The following MYO5C variants were observed in gnomAD, a reference collection of about 807,000 sequenced individuals.
The protein encoded by MYO5C is unconventional myosin-Vc.
Under a neutral mutation model 235.7 loss-of-function variants are expected in MYO5C, and 194 were observed. The observed-to-expected ratio is 0.82, with a 90% CI of 0.73 to 0.93. The LOEUF is 0.93. MYO5C is among the 40% of genes least tolerant of loss of function. The pLI, the probability that MYO5C is intolerant of heterozygous loss-of-function variation, is 0.00. For synonymous variants in MYO5C, 707 were observed against 754.8 expected (o/e 0.94, Z 1.04); for missense variants, 2,038 against 2,127.2 (o/e 0.96, Z 0.82).
At chr15:52,241,371 T>A (rs1188524151) in intron 20 of MYO5C, among the ~76,000 whole-genome samples, 2 of 147,468 alleles carry the variant, frequency 1.4e-5, no homozygotes, top group African/African-American at 5.0e-5. Flanking sequence ...GCCATTCTCC[T>A]GCCTCAGCCT....
rs911816941 is a variant in MYO5C, at chr15:52,211,846, C to T, written c.4180G>A (p.Gly1394Arg). Residue 1394 changes from glycine to arginine, a missense_variant, in exon 35 of 41, where the codon GGG (glycine) becomes AGG (arginine). Transcript: ENST00000261839. ...PRGVVVNMIPGLPAHILFMCV... is the reference protein window; with the variant it reads ...PRGVVVNMIPRLPAHILFMCV... ...ATGAACAGGATATGAGCCGGCAGCCCGGGGATCATGTTCACCACCACGCCA... is the reference window on the plus strand; with the variant it reads ...ATGAACAGGATATGAGCCGGCAGCCTGGGGATCATGTTCACCACCACGCCA... 8.7e-6 allele frequency: 14 copies of T among 1,613,910 alleles called. No individual in the cohort carries two copies. Among genetic ancestry groups the T allele is most frequent in the African/African-American group, 1.3e-5 (1 of 74,910 alleles).
intron 25 of MYO5C, 54 bp downstream of exon 25, chr15:52,229,079 T>C (rs2035892177): frequency 6.3e-7 from 1 of 1,598,240 alleles, no homozygotes; most frequent in Non-Finnish European, 8.5e-7. Flanking sequence ...GAACTTGGAA[T>C]TGCAATCAAA....
chr15:52,236,169 G>A lies in MYO5C; in HGVS notation c.2869-406C>T, dbSNP rs1241534336. On this transcript the variant is annotated intron_variant, in intron 22 of 40. Transcript: ENST00000261839. Reference sequence around the variant, plus strand: ...GCAACTGTTATGACTCAGGAAGGATGTGTGAGCACAGCAGGATTCCTATCA... The same window carrying A: ...GCAACTGTTATGACTCAGGAAGGATATGTGAGCACAGCAGGATTCCTATCA... 2.7e-4 allele frequency among the ~76,000 whole-genome samples: 41 copies of A among 152,244 alleles called. 1 individual carries two copies. The highest frequency in any genetic ancestry group is 2.7e-3 in the Admixed American group (41 of 15,290).
intron 38 of MYO5C, among the ~76,000 whole-genome samples, chr15:52,199,578 G>C (rs1279907065): frequency 6.6e-6 from 1 of 152,084 alleles, no homozygotes; most frequent in Non-Finnish European, 1.5e-5. Flanking sequence ...CTCAGAGGTG[G>C]GCATCAATGC....
intron 8 of MYO5C, among the ~76,000 whole-genome samples, chr15:52,269,287 G>C (rs1427363406): frequency 6.6e-6 from 1 of 151,902 alleles, no homozygotes; most frequent in East Asian, 1.9e-4. Context: ...GCATAGTCTT[G>C]ACCACTTAGT....
In MYO5C at chr15:52,270,053, C is replaced by A. The variant is rs1194427045; in HGVS notation, c.833-193G>T. ...GCCTGTAATCCCAGCACTTTGGGAG[C>A]CTGAGGCAGGGGGCTTGCTTGAACC... On this transcript the variant is annotated intron_variant, in intron 7 of 40. Coordinates refer to ENST00000261839, the MANE Select transcript of MYO5C (RefSeq NM_018728.4). Among the ~76,000 whole-genome samples, 3 of 152,196 alleles carry A rather than the reference C, an allele frequency of 2.0e-5. No individual in the cohort carries two copies. In the South Asian group the frequency reaches 6.2e-4, roughly 32 times the overall value.
chr15:52,219,892 T>A, intron 30 of MYO5C, 70 bp from the exon 31 acceptor site: 1 of 1,269,406 alleles, frequency 7.9e-7, no homozygotes, highest in Non-Finnish European at 1.1e-6. Flanking sequence ...GGTTTGGTAT[T>A]ATTTTCAATT....
chr15:52,236,250 G>C (rs1283824670), intron 22 of MYO5C, among the ~76,000 whole-genome samples: 1 of 152,234 alleles, frequency 6.6e-6, no homozygotes, highest in Non-Finnish European at 1.5e-5. Flanking sequence ...CCGTGGTGCT[G>C]ACTGATGGTG....
intron 10 of MYO5C, among the ~76,000 whole-genome samples, chr15:52,259,403 G>C: frequency 8.1e-6 from 1 of 124,150 alleles, no homozygotes; most frequent in South Asian, 2.5e-4. Context: ...CTGGGCAACA[G>C]AGCAAGACTC....
At chr15:52,278,559 C>T (rs954028635) in intron 4 of MYO5C, among the ~76,000 whole-genome samples, 5 of 151,530 alleles carry the variant, frequency 3.3e-5, no homozygotes, top group South Asian at 2.1e-4. Context: ...AAAGCTTAAA[C>T]GTCTCATAGC....
At chr15:52,250,089 C>T (rs182127489) in intron 13 of MYO5C, among the ~76,000 whole-genome samples, 168 of 152,186 alleles carry the variant, frequency 1.1e-3, no homozygotes, top group African/African-American at 3.9e-3. Context: ...TGGTCTTTCC[C>T]CCTCCCTTTT....
chr15:52,204,869 T>G lies in MYO5C; in HGVS notation c.4816A>C (p.Ile1606Leu). 2 of 1,613,888 alleles carry G rather than the reference T, an allele frequency of 1.2e-6. No homozygotes were observed. Among genetic ancestry groups the G allele is most frequent in the Middle Eastern group, 1.6e-4 (1 of 6,062 alleles). The change falls in exon 38 of 41, where the codon ATC becomes CTC. Residue 1606 changes from isoleucine (I) to leucine (L), a missense_variant. By Grantham distance (5) the Ile-to-Leu change is conservative. Coordinates refer to ENST00000261839, the MANE Select transcript of MYO5C (RefSeq NM_018728.4). ...DMCSCRKGMQ[I>L]RCNISYLEEW... is the part of the protein sequence containing the mutation. The stretch of plus-strand genomic sequence containing the variant: ...GCGGAGGTTTCTGGGTTTTACCTGA[T>G]CTGCATCCCTTTTCTGCAGGAGCAC...
At chr15:52,287,825 A>G (rs1001998863) in intron 1 of MYO5C, among the ~76,000 whole-genome samples, 2 of 152,084 alleles carry the variant, frequency 1.3e-5, no homozygotes, top group Non-Finnish European at 2.9e-5. Context: ...AAAAATACAA[A>G]AGTAGCTGGG....
intron 23 of MYO5C, among the ~76,000 whole-genome samples, chr15:52,233,572 G>A (rs1210803939): frequency 6.6e-6 from 1 of 152,228 alleles, no homozygotes; most frequent in East Asian, 1.9e-4. Flanking sequence ...GCAAAGCTGA[G>A]AACCACTCAT....
Position 52,278,046 on chromosome 15 carries a change from G to A in MYO5C, c.449+827C>T, listed in dbSNP as rs765912244. 14 of 440,038 alleles carry A rather than the reference G, an allele frequency of 3.2e-5. 1 individual carries two copies. Among genetic ancestry groups the A allele is most frequent in the Middle Eastern group, 3.4e-4 (1 of 2,900 alleles). 27.3% of individuals were successfully genotyped at this position (440,038 alleles called of 1,614,324 possible). The stretch of plus-strand genomic sequence containing the variant: ...TTCCCATCTGTGAAATGAGGGCAAT[G>A]AAGTCAGTCAACTTCACAGGAGTGC... On this transcript the variant is annotated intron_variant, in intron 4 of 40. Transcript: ENST00000261839.
chr15:52,247,116 A>G, intron 15 of MYO5C, 102 bp from the exon 16 acceptor site: 4 of 982,302 alleles, frequency 4.1e-6, no homozygotes, highest in Non-Finnish European at 6.2e-6. Context: ...AATAGGAAGA[A>G]AAGTTAACCT....
chr15:52,212,678 G>A (rs141289553), intron 34 of MYO5C, among the ~76,000 whole-genome samples: 13 of 152,344 alleles, frequency 8.5e-5, no homozygotes, highest in African/African-American at 3.1e-4. Flanking sequence ...ACCAACTCTT[G>A]AGCATGCACA....
In MYO5C at chr15:52,246,949, G is replaced by A. The variant is rs376357974; in HGVS notation, c.1947C>T (p.Cys649=). The change falls in exon 16 of 41, where the codon TGC becomes TGT. Residue 649 remains cysteine (C), a synonymous_variant. Transcript: ENST00000261839. Reference sequence around the variant, plus strand: ...GTAACTTCTCATCATTTGGCTTGATGCATCGAACGTAGTGGGGCGTCGTCG... The same window carrying A: ...GTAACTTCTCATCATTTGGCTTGATACATCGAACGTAGTGGGGCGTCGTCG... ...LNATTPHYVR[C]IKPNDEKLPF... The A allele has an allele frequency of 1.2e-6, 2 of 1,614,022 alleles. No homozygotes were observed. Among genetic ancestry groups the A allele is most frequent in the Non-Finnish European group, 1.7e-6 (2 of 1,179,990 alleles).
intron 1 of MYO5C, among the ~76,000 whole-genome samples, chr15:52,294,364 G>A (rs1483603437): frequency 6.6e-6 from 1 of 152,228 alleles, no homozygotes; most frequent in Non-Finnish European, 1.5e-5. Flanking sequence ...AAATATTCTA[G>A]AACAAAACTA....
Sources: allele counts gnomAD v4.1 joint callset (sites outside exome capture counted in the v4.1 genomes callset), GRCh38; gene constraint gnomAD v4.1.1; transcripts MANE v1.5; gene names NCBI Gene and HGNC (gene_info 2026-07-23, HGNC 2026-07-21).